NALCN: variants seen among roughly 807,000 people sequenced by gnomAD.
NALCN encodes the protein sodium leak channel NALCN.
Under a neutral mutation model 225.3 loss-of-function variants are expected in NALCN, and 111 were observed. That is an observed-to-expected ratio of 0.49 (90% CI 0.42 to 0.58). The LOEUF is 0.58. Among genes scored for constraint, NALCN ranks in the 20% least tolerant of loss-of-function variants. The pLI is 0.00. For missense variants in NALCN, 1,378 were observed against 2,202.4 expected, an observed-to-expected ratio of 0.63 and a Z score of 7.49; for synonymous variants, 764 against 769.0, an observed-to-expected ratio of 0.99 and a Z score of 0.11.
intron 3 of NALCN, among the ~76,000 whole-genome samples, chr13:101,383,072 T>C (rs1173306627): frequency 2.0e-5 from 3 of 151,748 alleles, no homozygotes; most frequent in African/African-American, 2.4e-5. Context: ...CATTTTTCCA[T>C]TTGTAAAAAA....
intron 2 of NALCN, among the ~76,000 whole-genome samples, chr13:101,397,109 T>TATATATATATATATAC (rs1169730118): frequency 3.7e-5 from 3 of 80,974 alleles, no homozygotes; most frequent in Non-Finnish European, 7.5e-5. Flanking sequence ...TATATATATA[T>TATATATATATATATAC]ACATACACAT....
intron 15 of NALCN, among the ~76,000 whole-genome samples, chr13:101,173,357 G>C (rs1367447739): frequency 6.6e-6 from 1 of 152,138 alleles, no homozygotes. Flanking sequence ...GCTTTAGTTT[G>C]AATCAATACA....
chr13:101,281,552 G>C (rs531134280), intron 10 of NALCN, among the ~76,000 whole-genome samples: 3 of 152,290 alleles, frequency 2.0e-5, no homozygotes, highest in African/African-American at 7.2e-5. Context: ...TAGCAGCATA[G>C]TCAACATCAA....
Position 101,329,568 on chromosome 13 carries a change from C to T in NALCN, c.799+15698G>A, listed in dbSNP as rs377762118. On this transcript the variant is annotated intron_variant, in intron 7 of 43. Transcript: ENST00000251127. The stretch of plus-strand genomic sequence containing the variant: ...CAAAAAAATACTAAAAATAATAACA[C>T]CGAAATGGAATATTTGTAAAATTAA... Among the ~76,000 whole-genome samples the T allele has an allele frequency of 5.9e-5, 9 of 152,026 alleles. 1 individual carries two copies. The highest frequency in any genetic ancestry group is 3.3e-4 in the Admixed American group (5 of 15,266).
chr13:101,349,203 CCT>C (rs1282602823), intron 6 of NALCN, among the ~76,000 whole-genome samples: 5 of 152,098 alleles, frequency 3.3e-5, no homozygotes. Context: ...TTGTAATCTC[CCT>C]CTTTTAACTT....
intron 7 of NALCN, among the ~76,000 whole-genome samples, chr13:101,293,090 A>G (rs1011287058): frequency 2.6e-5 from 4 of 152,242 alleles, no homozygotes; most frequent in Admixed American, 6.5e-5. Context: ...GATGTTTTAC[A>G]GACAGGGAAA....
rs374788604 is a variant in NALCN at position 101,304,909 on chromosome 13, C to T, written c.800-12543G>A. On this transcript the variant is annotated intron_variant, in intron 7 of 43. Coordinates refer to ENST00000251127, the MANE Select transcript of NALCN (RefSeq NM_052867.4). ...TAGCTGCGACTACAGGTCCCTGCCA[C>T]CACGCCCAGCTGATTTTTGTATTTT... is the stretch of plus-strand genomic sequence containing the variant. 3.3e-5 allele frequency among the ~76,000 whole-genome samples: 5 copies of T among 152,012 alleles called. 1 individual carries two copies. The highest frequency in any genetic ancestry group is 1.9e-4 in the East Asian group (1 of 5,156).
At chr13:101,335,758 A>G (rs563352504) in intron 7 of NALCN, among the ~76,000 whole-genome samples, 3 of 151,726 alleles carry the variant, frequency 2.0e-5, no homozygotes, top group Admixed American at 2.0e-4. Flanking sequence ...TTTACAAATT[A>G]GTCTTTACTG....
chr13:101,377,452 T>C (rs898587899), intron 4 of NALCN, among the ~76,000 whole-genome samples: 4 of 152,132 alleles, frequency 2.6e-5, no homozygotes, highest in Non-Finnish European at 5.9e-5. Context: ...AATTGCACTA[T>C]TTACTAACAG....
Position 101,345,329 on chromosome 13 carries a change from T to G in NALCN, c.736A>C (p.Met246Leu). 6.2e-7 allele frequency: 1 copy of G among 1,613,840 alleles called. No individual in the cohort carries two copies. The highest frequency in any genetic ancestry group is 8.5e-7 in the Non-Finnish European group (1 of 1,179,802). The change falls in exon 7 of 44, where the codon ATG becomes CTG. Residue 246 changes from methionine to leucine, a missense_variant. Coordinates refer to ENST00000251127, the MANE Select transcript of NALCN (RefSeq NM_052867.4). Reference sequence around the variant, plus strand: ...CTAAGTCCCAGATCTTCAAGGTCCATGCATTTAAATCCAGGTGGGCACTGG... The same window carrying G: ...CTAAGTCCCAGATCTTCAAGGTCCAGGCATTTAAATCCAGGTGGGCACTGG... Reference protein sequence around the residue: ...GYQCPPGFKCMDLEDLGLSRQ... With the variant: ...GYQCPPGFKCLDLEDLGLSRQ...
At chr13:101,247,064 C>G (rs1049733013) in intron 11 of NALCN, among the ~76,000 whole-genome samples, 7 of 152,120 alleles carry the variant, frequency 4.6e-5, no homozygotes, top group Non-Finnish European at 8.8e-5. Flanking sequence ...TATGCTAGGT[C>G]AAGAATCAGG....
At chr13:101,302,043 G>A (rs2043991723) in intron 7 of NALCN, among the ~76,000 whole-genome samples, 1 of 152,120 alleles carries the variant, frequency 6.6e-6, no homozygotes, top group Non-Finnish European at 1.5e-5. Context: ...TTTATTGGAA[G>A]GAAATCTTTT....
rs12868458 is a variant in NALCN, at chr13:101,388,721, T to G, written c.291+6462A>C. 9.8e-3 allele frequency among the ~76,000 whole-genome samples: 1,497 copies of G among 152,346 alleles called. 7 individuals are homozygous for G. Among genetic ancestry groups the G allele is most frequent in the Non-Finnish European group, 0.016 (1,070 of 68,036 alleles). ...CTACTATCATTTTAGTGATGTGAAA[T>G]CCAAGTCTTTATTTAATGACTTAAA... On this transcript the variant is annotated intron_variant, in intron 3 of 43. Coordinates refer to ENST00000251127, the MANE Select transcript of NALCN (RefSeq NM_052867.4).
chr13:101,174,897 C>T (rs56065327), intron 15 of NALCN, among the ~76,000 whole-genome samples: 3,518 of 152,270 alleles, frequency 0.023, 136 homozygotes, highest in African/African-American at 0.081. Flanking sequence ...AAAGTGACAG[C>T]TCAATACCAG....
At chr13:101,143,711 G>T (rs1447779956) in intron 16 of NALCN, among the ~76,000 whole-genome samples, 1 of 152,112 alleles carries the variant, frequency 6.6e-6, no homozygotes, top group African/African-American at 2.4e-5. Flanking sequence ...TGATCTGCCC[G>T]GTTCGGCCTC....
rs116051388 is a variant in NALCN, at chr13:101,172,429, C to T, written c.1839+3871G>A. Among the ~76,000 whole-genome samples, 544 of 152,256 alleles carry T rather than the reference C, an allele frequency of 3.6e-3. 3 individuals carry two copies. Among genetic ancestry groups the T allele is most frequent in the African/African-American group, 0.013 (524 of 41,554 alleles). On this transcript the variant is annotated intron_variant, in intron 15 of 43. Coordinates refer to ENST00000251127, the MANE Select transcript of NALCN (RefSeq NM_052867.4). Reference sequence around the variant, plus strand: ...CTTCTTTTCCATTATAATTTCTTCACTAGTACCTTTTCACTTTCTACCACC... The same window carrying T: ...CTTCTTTTCCATTATAATTTCTTCATTAGTACCTTTTCACTTTCTACCACC...
At chr13:101,262,452 GA>G (rs1399981051) in intron 10 of NALCN, among the ~76,000 whole-genome samples, 6 of 152,140 alleles carry the variant, frequency 3.9e-5, no homozygotes, top group Non-Finnish European at 7.4e-5. Context: ...CTATGGAAAG[GA>G]ACTGAGCACA....
At chr13:101,058,146 G>A in intron 42 of NALCN, 90 bp from the exon 43 acceptor site, 1 of 1,096,034 alleles carries the variant, frequency 9.1e-7, no homozygotes, top group Non-Finnish European at 1.3e-6. Flanking sequence ...ATGGCAGGAG[G>A]ACAAGTGGGA....
At chr13:101,126,492 C>T (rs529380190) in intron 17 of NALCN, among the ~76,000 whole-genome samples, 2 of 140,436 alleles carry the variant, frequency 1.4e-5, no homozygotes, top group East Asian at 5.9e-4. Context: ...TGACTTTTGG[C>T]ATAATTTTTT....
Sources: allele counts gnomAD v4.1 joint callset (sites outside exome capture counted in the v4.1 genomes callset), GRCh38; gene constraint gnomAD v4.1.1; transcripts MANE v1.5; gene names NCBI Gene and HGNC (gene_info 2026-07-23, HGNC 2026-07-21).